The following ESRRG variants were observed in gnomAD, a reference collection of about 807,000 sequenced individuals.
The protein encoded by ESRRG is estrogen-related receptor gamma.
Under a neutral mutation model 44.0 loss-of-function variants are expected in ESRRG, and 13 were observed. The ratio of observed to expected loss-of-function variants is 0.30; its 90% CI spans 0.19 to 0.47. The LOEUF is 0.47. Among genes scored for constraint, ESRRG ranks in the 20% least tolerant of loss-of-function variants. The pLI is 1.00. For synonymous variants in ESRRG, 215 were observed against 214.6 expected, an observed-to-expected ratio of 1.00 and a Z score of -0.02; for missense variants, 395 against 580.6, an observed-to-expected ratio of 0.68 and a Z score of 3.29.
intron 1 of ESRRG, among the ~76,000 whole-genome samples, chr1:217,047,470 C>A (rs2085096715): frequency 6.6e-6 from 1 of 152,146 alleles, no homozygotes; most frequent in African/African-American, 2.4e-5. Context: ...CTGTCAATCC[C>A]ACCTTCTAGA....
Position 216,845,386 on chromosome 1 carries a change from G to A in ESRRG, c.-14+94196C>T, listed in dbSNP as rs78211169. Reference sequence around the variant, plus strand: ...ACAAACTCTCTTCACCTGGTATAAAGATAACATTGATAGGGTATAATTTAT... The same window carrying A: ...ACAAACTCTCTTCACCTGGTATAAAAATAACATTGATAGGGTATAATTTAT... On this transcript the variant is annotated intron_variant, in intron 2 of 7. Transcript: ENST00000359162. Among the ~76,000 whole-genome samples the A allele has an allele frequency of 2.2e-4, 34 of 152,246 alleles. No homozygotes were observed. In the East Asian group the frequency reaches 6.4e-3, roughly 29 times the overall value.
intron 2 of ESRRG, among the ~76,000 whole-genome samples, chr1:216,811,677 A>C (rs2094975138): frequency 6.6e-6 from 1 of 152,150 alleles, no homozygotes; most frequent in African/African-American, 2.4e-5. Flanking sequence ...TTACTACCGG[A>C]GAACATCAGG....
chr1:216,844,759 G>A (rs1018613341), intron 2 of ESRRG, among the ~76,000 whole-genome samples: 13 of 127,100 alleles, frequency 1.0e-4, no homozygotes, highest in Non-Finnish European at 2.0e-4. Flanking sequence ...CATAGCATTC[G>A]TGCATGTGTG....
intron 2 of ESRRG, among the ~76,000 whole-genome samples, chr1:216,818,859 G>T (rs2095224140): frequency 6.6e-6 from 1 of 152,080 alleles, no homozygotes; most frequent in Non-Finnish European, 1.5e-5. Flanking sequence ...GTGAGATCAT[G>T]TGGTGTTTGA....
At chr1:217,084,662 T>A (rs991053689) in intron 1 of ESRRG, among the ~76,000 whole-genome samples, 4 of 152,164 alleles carry the variant, frequency 2.6e-5, no homozygotes, top group African/African-American at 9.7e-5. Context: ...TTAAAAAAAA[T>A]TTGTTTGTAT....
At chr1:217,092,503 A>G (rs1299599734), upstream of ESRRG, among the ~76,000 whole-genome samples, 1 of 152,194 alleles carries the variant, frequency 6.6e-6, no homozygotes, top group African/African-American at 2.4e-5. Context: ...GGTTCAAATT[A>G]AAGTGTCCTG....
intron 1 of ESRRG, among the ~76,000 whole-genome samples, chr1:217,057,010 G>T (rs938484021): frequency 1.3e-5 from 2 of 152,058 alleles, no homozygotes; most frequent in Non-Finnish European, 2.9e-5. Context: ...GAGTACAAGG[G>T]GCACATGGGA....
chr1:216,940,506 C>G (rs1030520249), intron 1 of ESRRG, among the ~76,000 whole-genome samples: 8 of 152,182 alleles, frequency 5.3e-5, no homozygotes, highest in Non-Finnish European at 1.0e-4. Flanking sequence ...TTGTGACCAA[C>G]AGGAGGCTGG....
At chr1:217,024,350 T>G (rs2080859229) in intron 1 of ESRRG, among the ~76,000 whole-genome samples, 1 of 136,512 alleles carries the variant, frequency 7.3e-6, no homozygotes, top group Non-Finnish European at 1.5e-5. Flanking sequence ...AGAGCAAGAG[T>G]CCATTTAAAA....
intron 2 of ESRRG, chr1:216,863,335 A>G (rs2096086110): frequency 6.6e-6 from 1 of 152,152 alleles, no homozygotes; most frequent in South Asian, 2.1e-4. Flanking sequence ...GAAAAGCTTT[A>G]TTTTTTCCTT....
chr1:216,728,590 A>T (rs17041488), intron 2 of ESRRG, among the ~76,000 whole-genome samples: 2 of 152,060 alleles, frequency 1.3e-5, no homozygotes, highest in African/African-American at 4.8e-5. Context: ...ATGCTTTGAT[A>T]CCAGTAAAAT....
At chr1:216,762,055 G>A (rs1039740650) in intron 2 of ESRRG, among the ~76,000 whole-genome samples, 1 of 152,026 alleles carries the variant, frequency 6.6e-6, no homozygotes, top group African/African-American at 2.4e-5. Flanking sequence ...CTCTAGGATG[G>A]GTGTTATATT....
intron 2 of ESRRG, among the ~76,000 whole-genome samples, chr1:216,770,696 C>A (rs1304515545): frequency 6.6e-6 from 1 of 152,022 alleles, no homozygotes. Flanking sequence ...TTTTAAAAAA[C>A]CACATTTTAA....
intron 5 of ESRRG, among the ~76,000 whole-genome samples, chr1:216,550,698 G>A (rs1380695353): frequency 1.3e-5 from 2 of 152,044 alleles, no homozygotes; most frequent in Admixed American, 1.3e-4. Flanking sequence ...GAAAAACAAT[G>A]GTTGTAATCA....
chr1:216,933,685 CTTA>C (rs1372931529), intron 2 of ESRRG, among the ~76,000 whole-genome samples: 2 of 152,156 alleles, frequency 1.3e-5, no homozygotes, highest in African/African-American at 4.8e-5. Context: ...AACATACTGA[CTTA>C]TTATATGTTC....
At chr1:216,871,127 T>C (rs949919162) in intron 2 of ESRRG, among the ~76,000 whole-genome samples, 5 of 152,024 alleles carry the variant, frequency 3.3e-5, no homozygotes, top group African/African-American at 1.2e-4. Context: ...TATAATGCTA[T>C]AAGCTTTCCC....
intron 1 of ESRRG, among the ~76,000 whole-genome samples, chr1:217,119,079 A>G (rs1282807159): frequency 6.6e-6 from 1 of 152,204 alleles, no homozygotes; most frequent in African/African-American, 2.4e-5. Context: ...AGATAGATAT[A>G]TTTCAAGAAA....
At chr1:216,534,019 C>A (rs767289359) in intron 5 of ESRRG, among the ~76,000 whole-genome samples, 1 of 152,054 alleles carries the variant, frequency 6.6e-6, no homozygotes, top group African/African-American at 2.4e-5. Flanking sequence ...CAGGCCCAAA[C>A]AATATCCAGG....
rs1307816795 is a variant in ESRRG at position 216,768,456 on chromosome 1, A to ATCTATCTG, written c.-13-90966_-13-90965insCAGATAGA. ...TAGATAGATCTATCTATCATTATCTATCTATCTATCTATCTATCTATCTAT... is the reference window on the plus strand; with the variant it reads ...TAGATAGATCTATCTATCATTATCTATCTATCTGTCTATCTATCTATCTATCTATCTAT... On this transcript the variant is annotated intron_variant, in intron 2 of 7. Coordinates refer to the ESRRG transcript ENST00000359162. Among the ~76,000 whole-genome samples the ATCTATCTG allele has an allele frequency of 5.7e-3, 792 of 139,584 alleles. 5 individuals carry two copies. Among genetic ancestry groups the ATCTATCTG allele is most frequent in the Non-Finnish European group, 7.3e-3 (463 of 63,164 alleles). 91.6% of individuals were successfully genotyped at this position (139,584 alleles called of 152,430 possible). A position where few individuals can be genotyped will look rare whatever the true frequency, so the allele number is the denominator to read the frequency against.
Sources: allele counts gnomAD v4.1 joint callset (sites outside exome capture counted in the v4.1 genomes callset), GRCh38; gene constraint gnomAD v4.1.1; transcripts MANE v1.5; gene names NCBI Gene and HGNC (gene_info 2026-07-23, HGNC 2026-07-21).